Variants in RGS5 observed in about 807,000 individuals in gnomAD.
RGS5 encodes the protein regulator of G-protein signalling 5.
RGS5 carries 20 observed loss-of-function variants against 18.9 expected under a neutral mutation model. That is an observed-to-expected ratio of 1.06 (90% CI 0.74 to 1.54). The LOEUF (loss-of-function observed/expected upper bound fraction) is 1.54, where lower values mean the gene tolerates loss of function less well. RGS5 is among the 40% of genes most tolerant of loss of function. The pLI is 0.00. For missense variants in RGS5, 201 were observed against 211.8 expected (o/e 0.95, Z 0.32); for synonymous variants, 57 against 76.2 (o/e 0.75, Z 1.31).
At chr1:163,203,864 C>T, upstream of RGS5, among the ~76,000 whole-genome samples, 1 of 150,276 alleles carries the variant, frequency 6.7e-6, no homozygotes, top group African/African-American at 2.5e-5. Flanking sequence ...TGAATTGTGT[C>T]TTATCTTGTC....
At chr1:163,296,962 C>A (rs1649437501) in intron 2 of RGS5, among the ~76,000 whole-genome samples, 1 of 151,984 alleles carries the variant, frequency 6.6e-6, no homozygotes, top group African/African-American at 2.4e-5. Context: ...AGTCTTTCTC[C>A]CTGCATCAGG....
intron 1 of RGS5, among the ~76,000 whole-genome samples, chr1:163,200,974 C>T (rs1402410901): frequency 6.6e-6 from 1 of 152,112 alleles, no homozygotes; most frequent in Non-Finnish European, 1.5e-5. Flanking sequence ...ATTATGCATA[C>T]TTATGAGAAA....
At chr1:163,262,243 G>C (rs1648463491) in intron 2 of RGS5, among the ~76,000 whole-genome samples, 1 of 118,280 alleles carries the variant, frequency 8.5e-6, no homozygotes, top group African/African-American at 3.3e-5. Context: ...TGCCATGCTG[G>C]TGCGCTGCAC....
chr1:163,209,324 G>A (rs889819873), intron 1 of RGS5, among the ~76,000 whole-genome samples: 3 of 152,082 alleles, frequency 2.0e-5, no homozygotes, highest in Admixed American at 6.5e-5. Flanking sequence ...TTAATTATGC[G>A]AGATTGGTAG....
chr1:163,147,630 A>T, intron 4 of RGS5, 127 bp from the exon 5 acceptor site: 1 of 843,334 alleles, frequency 1.2e-6, no homozygotes. Context: ...AAACTGAGAC[A>T]TGTCACTTCT....
At chr1:163,153,090 A>G (rs1272682947) in intron 3 of RGS5, among the ~76,000 whole-genome samples, 1 of 152,202 alleles carries the variant, frequency 6.6e-6, no homozygotes, top group East Asian at 1.9e-4. Flanking sequence ...CACTTAAACT[A>G]CCAAGGAGAA....
At chr1:163,254,365 T>A (rs1456961359) in intron 2 of RGS5, among the ~76,000 whole-genome samples, 1 of 152,184 alleles carries the variant, frequency 6.6e-6, no homozygotes, top group Non-Finnish European at 1.5e-5. Context: ...AGATGGTATC[T>A]CATTGTGGTT....
intron 1 of RGS5, among the ~76,000 whole-genome samples, chr1:163,186,872 TCA>T (rs1284676429): frequency 6.6e-6 from 1 of 152,142 alleles, no homozygotes; most frequent in African/African-American, 2.4e-5. Context: ...GGGAAAAAAA[TCA>T]CACCCCGTAT....
intron 1 of RGS5, chr1:163,172,433 A>G (rs1658345665): frequency 2.0e-6 from 2 of 1,005,426 alleles, no homozygotes; most frequent in Middle Eastern, 2.5e-4. Flanking sequence ...TCAGTACCCT[A>G]CTACTATTTT....
intron 4 of RGS5, among the ~76,000 whole-genome samples, chr1:163,148,400 T>C (rs1395092262): frequency 6.6e-6 from 1 of 152,176 alleles, no homozygotes; most frequent in Non-Finnish European, 1.5e-5. Context: ...TCTGACAGAA[T>C]AATAATGAAA....
chr1:163,239,856 C>T (rs753504281), intron 2 of RGS5, among the ~76,000 whole-genome samples: 2 of 152,206 alleles, frequency 1.3e-5, no homozygotes, highest in South Asian at 4.1e-4. Context: ...TAACATGGCA[C>T]TAAGATTGAT....
In RGS5 at chr1:163,197,862, C is replaced by A. The variant is rs183433219; in HGVS notation, c.44+4930G>T. 7.2e-5 allele frequency among the ~76,000 whole-genome samples: 11 copies of A among 152,248 alleles called. No homozygotes were observed. In the East Asian group the frequency reaches 1.9e-3, roughly 27 times the overall value. On this transcript the variant is annotated intron_variant, in intron 1 of 4. Coordinates refer to ENST00000313961, the MANE Select transcript of RGS5 (RefSeq NM_003617.4). The stretch of plus-strand genomic sequence containing the variant: ...TTCTTTGATGGTCCTCAATTCATTC[C>A]AATTGAGCTATCAGTTGTTCAAGCT...
chr1:163,296,457 T>G (rs1444381509), intron 2 of RGS5, among the ~76,000 whole-genome samples: 1 of 152,180 alleles, frequency 6.6e-6, no homozygotes, highest in Non-Finnish European at 1.5e-5. Context: ...ACTAAAGCCC[T>G]GTGAGCTAAA....
At chr1:163,234,188 C>T (rs564273166) in intron 2 of RGS5, among the ~76,000 whole-genome samples, 10 of 152,182 alleles carry the variant, frequency 6.6e-5, no homozygotes, top group Non-Finnish European at 1.0e-4. Context: ...ATTCTATTAG[C>T]TGTAGAATTT....
At chr1:163,254,481 C>T (rs939819894) in intron 2 of RGS5, among the ~76,000 whole-genome samples, 1 of 147,136 alleles carries the variant, frequency 6.8e-6, no homozygotes, top group African/African-American at 2.4e-5. Context: ...GTCCTTCGCC[C>T]ACTTTTTGAT....
intron 2 of RGS5, among the ~76,000 whole-genome samples, chr1:163,259,614 A>G (rs1030858788): frequency 1.3e-5 from 2 of 152,210 alleles, no homozygotes; most frequent in African/African-American, 4.8e-5. Context: ...GAGGGACCAT[A>G]TGATATATAA....
intron 1 of RGS5, among the ~76,000 whole-genome samples, chr1:163,197,196 G>A (rs1659593100): frequency 6.6e-6 from 1 of 152,110 alleles, no homozygotes; most frequent in Admixed American, 6.6e-5. Context: ...AGATAATACA[G>A]GTTGTACATA....
At chr1:163,208,786 T>G (rs1660027446) in intron 1 of RGS5, among the ~76,000 whole-genome samples, 1 of 152,106 alleles carries the variant, frequency 6.6e-6, no homozygotes. Context: ...TATAAATATT[T>G]TTGCACAAAG....
intron 1 of RGS5, chr1:163,318,999 C>G (rs932421100): frequency 2.6e-5 from 4 of 152,088 alleles, no homozygotes; most frequent in African/African-American, 9.7e-5. Flanking sequence ...AGAATGGGTG[C>G]CTGATGGGAA....
Sources: gnomAD v4.1 joint callset for allele counts (sites outside exome capture counted in the v4.1 genomes callset) on GRCh38, gnomAD v4.1.1 for gene constraint, MANE v1.5 for transcripts, NCBI Gene and HGNC (gene_info 2026-07-23, HGNC 2026-07-21) for gene names.